The following ZNF274 variants were observed in gnomAD, a reference collection of about 807,000 sequenced individuals.
ZNF274 encodes neurotrophin receptor-interacting factor homolog.
A neutral mutation model predicts 42.5 loss-of-function variants in ZNF274; 23 were observed. The observed-to-expected ratio is 0.54, with a 90% CI of 0.39 to 0.77. The LOEUF is 0.77. ZNF274 is among the 30% of genes least tolerant of loss of function. The probability of loss-of-function intolerance (pLI) is 0.00; values close to 1 mark genes in which losing one functional copy is unlikely to be tolerated. For synonymous variants in ZNF274, 292 were observed against 305.4 expected (o/e 0.96, Z 0.46); for missense variants, 679 against 806.5 (o/e 0.84, Z 1.91).
At chr19:58,195,504 GTCT>G (rs1419287746) in intron 4 of ZNF274, among the ~76,000 whole-genome samples, 9 of 150,716 alleles carry the variant, frequency 6.0e-5, no homozygotes, top group Non-Finnish European at 1.2e-4. Flanking sequence ...ACGGGGAACT[GTCT>G]TCTAAAGTGG....
intron 2 of ZNF274, chr19:58,185,392 C>T (rs1260952891): frequency 6.6e-6 from 1 of 151,890 alleles, no homozygotes; most frequent in African/African-American, 2.4e-5. Flanking sequence ...CCACTGCACT[C>T]CACTAGGAGA....
chr19:58,188,655 T>C (rs529015464), intron 4 of ZNF274, among the ~76,000 whole-genome samples: 155 of 79,184 alleles, frequency 2.0e-3, no homozygotes, highest in Non-Finnish European at 3.3e-3. Flanking sequence ...ATGTAAAAAA[T>C]AGATGTGTGT....
intron 4 of ZNF274, among the ~76,000 whole-genome samples, chr19:58,192,858 C>T (rs1247962323): frequency 3.9e-5 from 6 of 152,164 alleles, no homozygotes; most frequent in Admixed American, 3.9e-4. Context: ...GATCCTCCTG[C>T]CTCAGCTTCG....
At chr19:58,209,786 C>T in intron 5 of ZNF274, 175 bp from the exon 6 acceptor site, 1 of 547,834 alleles carries the variant, frequency 1.8e-6, no homozygotes, top group Non-Finnish European at 3.3e-6. Context: ...GGCACTCGGG[C>T]ACGTGCTGTG....
chr19:58,202,891 A>C (rs2075930229), intron 4 of ZNF274, among the ~76,000 whole-genome samples: 1 of 152,124 alleles, frequency 6.6e-6, no homozygotes, highest in Non-Finnish European at 1.5e-5. Context: ...CACAGCATGC[A>C]AAAGGTGCTT....
At chr19:58,203,404 C>CG (rs2075938452) in intron 4 of ZNF274, among the ~76,000 whole-genome samples, 1 of 151,952 alleles carries the variant, frequency 6.6e-6, no homozygotes, top group South Asian at 2.1e-4. Context: ...GCCAAGATGG[C>CG]GAAACCCTGT....
At chr19:58,193,409 G>A (rs2075801369) in intron 4 of ZNF274, among the ~76,000 whole-genome samples, 1 of 143,420 alleles carries the variant, frequency 7.0e-6, no homozygotes, top group Admixed American at 7.1e-5. Flanking sequence ...GCCTCCCAAA[G>A]TGCTGGGATT....
In ZNF274 at chr19:58,213,356, TC is replaced by T. The variant is rs879708176; in HGVS notation, c.*216del. The T allele has an allele frequency of 1.9e-6, 1 of 516,110 alleles. No individual in the cohort carries two copies. Among genetic ancestry groups the T allele is most frequent in the Non-Finnish European group, 3.2e-6 (1 of 310,244 alleles). The allele number at this position is 516,110 out of a possible 1,614,324, so 32.0% of individuals were successfully genotyped here. Reference sequence around the variant, plus strand: ...ATTAACATCATTTGGAAAAAAGATTTCCCATTCACTTGATATTGTTTGTTCA... The same window carrying T: ...ATTAACATCATTTGGAAAAAAGATTTCCATTCACTTGATATTGTTTGTTCA... On this transcript the variant is annotated 3_prime_UTR_variant, in exon 8 of 8. Transcript: ENST00000617501.
In ZNF274 at chr19:58,201,015, T is replaced by TTG. The variant is rs555905007; in HGVS notation, c.257-5704_257-5703insGT. 8.3e-4 allele frequency among the ~76,000 whole-genome samples: 125 copies of TTG among 151,460 alleles called. 1 individual carries two copies. Among genetic ancestry groups the TTG allele is most frequent in the African/African-American group, 2.9e-3 (121 of 41,308 alleles). On this transcript the variant is annotated intron_variant, in intron 4 of 7. Transcript: ENST00000617501. The stretch of plus-strand genomic sequence containing the variant: ...CATACTGTTGTTTGTTTGTTTTGTT[T>TTG]TTTTTTTTGGAGACACGGTCTCACT...
At chr19:58,186,853 A>G in intron 3 of ZNF274, 94 bp from the exon 4 acceptor site, 2 of 1,035,442 alleles carry the variant, frequency 1.9e-6, no homozygotes, top group Non-Finnish European at 2.9e-6. Context: ...GTGCCTTAGC[A>G]GGGGAGAAGC....
At chr19:58,203,130 A>T (rs1156926365) in intron 4 of ZNF274, among the ~76,000 whole-genome samples, 1 of 152,192 alleles carries the variant, frequency 6.6e-6, no homozygotes, top group Non-Finnish European at 1.5e-5. Context: ...GTTACCTAAA[A>T]TAGTACTGGT....
Position 58,212,030 on chromosome 19 carries a change from C to G in ZNF274, c.980-131C>G. On this transcript the variant is annotated intron_variant, in intron 7 of 7. Transcript: ENST00000617501. This position sits in a 1 kb window ranked among gnomAD's most constrained non-coding sequence, Gnocchi z 4.6. ...CGCTTCATTGCTTTTCAGTCTCTCT[C>G]CAGGTTGCATGACTCTATTTGGGAG... The G allele has an allele frequency of 9.0e-7, 1 of 1,111,608 alleles. No individual in the cohort carries two copies. Among genetic ancestry groups the G allele is most frequent in the South Asian group, 1.6e-5 (1 of 62,718 alleles). 68.9% of individuals were successfully genotyped at this position (1,111,608 alleles called of 1,614,324 possible). A position where few individuals can be genotyped will look rare whatever the true frequency, so the allele number is the denominator to read the frequency against.
chr19:58,199,319 T>C (rs937431636), intron 4 of ZNF274, among the ~76,000 whole-genome samples: 3 of 151,894 alleles, frequency 2.0e-5, no homozygotes, highest in African/African-American at 7.3e-5. Flanking sequence ...TGAGCCGAGA[T>C]TGTGCCACTA....
At chr19:58,206,620 T>C in intron 4 of ZNF274, 100 bp from the exon 5 acceptor site, 1 of 1,371,712 alleles carries the variant, frequency 7.3e-7, no homozygotes, top group Non-Finnish European at 9.8e-7. Context: ...TGAAGCATAT[T>C]CCACTGTGGT....
At position 58,211,644 on chromosome 19, in the gene ZNF274, C is replaced by T. The variant is rs374045776; in HGVS notation, c.937C>T (p.Arg313Cys). 5.9e-5 allele frequency: 96 copies of T among 1,613,710 alleles called. No homozygotes were observed. The highest frequency in any genetic ancestry group is 1.7e-4 in the Middle Eastern group (1 of 6,060). Residue 313 changes from arginine (R) to cysteine (C), a missense_variant, in exon 7 of 8, where the codon CGC (arginine) becomes TGC (cysteine). Arg to Cys is a radical substitution (Grantham distance 180, BLOSUM62 -3). Around this residue, in one of 2 missense-constraint regions of ZNF274, gnomAD observed 456 missense variants for 590.1 expected, o/e 0.77. Transcript: ENST00000617501. The surrounding 1 kb of genome is among the most constrained non-coding windows in gnomAD (Gnocchi z 4.8). ...LLGPTQRTEY[R>C]DVMLETFGHL... ...GGGCCCGACACAGAGGACCGAGTAC[C>T]GCGATGTGATGCTGGAGACCTTTGG...
rs769769663 is a variant in ZNF274 at position 58,185,888 on chromosome 19, G to T, written c.160+50G>T. On this transcript the variant is annotated intron_variant, in intron 3 of 7. Coordinates refer to ENST00000617501, the MANE Select transcript of ZNF274 (RefSeq NM_133502.3). ...AGGATCTGTGCTTTGTAGCACAAAT[G>T]TAGCACCTCTGAAGTATGTGTCTGC... 3.0e-6 allele frequency: 4 copies of T among 1,324,404 alleles called. No individual in the cohort carries two copies. The African/African-American group carries it at 6.0e-5, about 20-fold the overall frequency. The allele number at this position is 1,324,404 out of a possible 1,614,324, so 82.0% of individuals were successfully genotyped here.
intron 3 of ZNF274, 127 bp from the exon 4 acceptor site, chr19:58,186,820 C>T: frequency 1.3e-6 from 1 of 741,232 alleles, no homozygotes; most frequent in Non-Finnish European, 2.2e-6. Flanking sequence ...GAGTTGTGTT[C>T]ACTGCTCTAG....
intron 4 of ZNF274, among the ~76,000 whole-genome samples, chr19:58,204,621 G>C (rs767959453): frequency 2.6e-5 from 4 of 152,122 alleles, no homozygotes; most frequent in Non-Finnish European, 5.9e-5. Flanking sequence ...TTGCACACTA[G>C]TAATTTTCTG....
At chr19:58,190,296 T>A (rs1463580894) in intron 4 of ZNF274, among the ~76,000 whole-genome samples, 1 of 151,924 alleles carries the variant, frequency 6.6e-6, no homozygotes, top group Non-Finnish European at 1.5e-5. Context: ...TACAGGCATG[T>A]GCCACTATGC....
Sources: gnomAD v4.1 joint callset for allele counts (sites outside exome capture counted in the v4.1 genomes callset) on GRCh38, gnomAD v4.1.1 for gene constraint, gnomAD v4.1.1 regional missense constraint, Gnocchi (gnomAD v3.1) non-coding constraint, MANE v1.5 for transcripts, NCBI Gene and HGNC (gene_info 2026-07-23, HGNC 2026-07-21) for gene names.